Variants in UBE2D2 observed in about 807,000 individuals in gnomAD.
UBE2D2 encodes the protein ubiquitin-conjugating enzyme E2 D2.
In UBE2D2, 2 loss-of-function variants were observed where a neutral mutation model predicts 24.2. That is an observed-to-expected ratio of 0.08 (90% CI 0.03 to 0.26). The LOEUF (loss-of-function observed/expected upper bound fraction) is 0.26, where lower values mean the gene tolerates loss of function less well. Among genes scored for constraint, UBE2D2 ranks in the 10% least tolerant of loss-of-function variants. The pLI is 1.00. For missense variants in UBE2D2, 44 were observed against 177.6 expected (o/e 0.25, Z 4.28); for synonymous variants, 58 against 56.5 (o/e 1.03, Z -0.12).
chr5:139,580,090 G>A (rs927956203), intron 1 of UBE2D2, among the ~76,000 whole-genome samples: 1 of 151,708 alleles, frequency 6.6e-6, no homozygotes, highest in Non-Finnish European at 1.5e-5. Context: ...GCTCATGTCT[G>A]TAATCTTAGT....
At chr5:139,607,128 T>A (rs1754216973) in intron 2 of UBE2D2, among the ~76,000 whole-genome samples, 1 of 152,162 alleles carries the variant, frequency 6.6e-6, no homozygotes, top group Admixed American at 6.6e-5. Context: ...CTAAAAACAT[T>A]GTAATGTGAG....
chr5:139,578,037 T>C (rs1753516670), intron 1 of UBE2D2, among the ~76,000 whole-genome samples: 1 of 152,194 alleles, frequency 6.6e-6, no homozygotes, highest in Non-Finnish European at 1.5e-5. Flanking sequence ...GGGTGAAGTC[T>C]TTTGGCATAG....
intron 1 of UBE2D2, among the ~76,000 whole-genome samples, chr5:139,553,686 T>G (rs1752947241): frequency 6.6e-6 from 1 of 152,166 alleles, no homozygotes. Flanking sequence ...TGAAAATTCT[T>G]TACACCCTTT....
chr5:139,529,741 T>G (rs1022397252), intron 1 of UBE2D2, among the ~76,000 whole-genome samples: 3 of 152,184 alleles, frequency 2.0e-5, no homozygotes, highest in African/African-American at 7.2e-5. Context: ...CCAGAACCAG[T>G]ATTTCAGACC....
At chr5:139,574,735 C>CA (rs75539434) in intron 1 of UBE2D2, among the ~76,000 whole-genome samples, 3,422 of 70,520 alleles carry the variant, frequency 0.049, 46 homozygotes, top group African/African-American at 0.06. Flanking sequence ...GGTGGGGTGG[C>CA]AAAAAAAAAA....
At chr5:139,583,467 A>G (rs1209251228) in intron 1 of UBE2D2, among the ~76,000 whole-genome samples, 3 of 152,190 alleles carry the variant, frequency 2.0e-5, no homozygotes, top group Admixed American at 2.0e-4. Context: ...AATTTTGTCA[A>G]TTTAAAGAAG....
At chr5:139,594,424 T>A (rs79565545) in intron 1 of UBE2D2, among the ~76,000 whole-genome samples, 2 of 152,174 alleles carry the variant, frequency 1.3e-5, no homozygotes, top group South Asian at 2.1e-4. Flanking sequence ...CCTTAAAAAA[T>A]TTTGTTTTTT....
At chr5:139,532,155 A>G (rs558707444) in intron 1 of UBE2D2, among the ~76,000 whole-genome samples, 2 of 151,272 alleles carry the variant, frequency 1.3e-5, no homozygotes, top group South Asian at 4.2e-4. Context: ...GCAATATTAC[A>G]TCTAGGAATT....
chr5:139,573,937 C>T (rs1753407108), intron 1 of UBE2D2, among the ~76,000 whole-genome samples: 1 of 151,764 alleles, frequency 6.6e-6, no homozygotes, highest in Non-Finnish European at 1.5e-5. Flanking sequence ...CGCCACTGCG[C>T]TCCAGCCTGG....
intron 5 of UBE2D2, among the ~76,000 whole-genome samples, chr5:139,622,203 A>G (rs1252838841): frequency 2.0e-5 from 3 of 151,804 alleles, no homozygotes; most frequent in Non-Finnish European, 2.9e-5. Context: ...ATTTAACATT[A>G]ATTTTCTGCT....
intron 2 of UBE2D2, among the ~76,000 whole-genome samples, chr5:139,603,672 T>G (rs1190429632): frequency 6.9e-6 from 1 of 144,520 alleles, no homozygotes; most frequent in Non-Finnish European, 1.5e-5. Flanking sequence ...CTCACGTCTG[T>G]ACGCCTGTAA....
chr5:139,540,077 G>A (rs1219966534), intron 1 of UBE2D2, among the ~76,000 whole-genome samples: 1 of 151,406 alleles, frequency 6.6e-6, no homozygotes, highest in East Asian at 1.9e-4. Flanking sequence ...GCACCACTAC[G>A]CCTGGCTAAT....
chr5:139,589,896 T>G (rs1753808055), intron 1 of UBE2D2, among the ~76,000 whole-genome samples: 1 of 152,018 alleles, frequency 6.6e-6, no homozygotes. Context: ...ACCATTCTCC[T>G]GCCTCAGCCT....
At chr5:139,603,703 G>A (rs1336722490) in intron 2 of UBE2D2, among the ~76,000 whole-genome samples, 3 of 150,880 alleles carry the variant, frequency 2.0e-5, no homozygotes, top group Non-Finnish European at 4.4e-5. Context: ...TTGGGAGGCC[G>A]AGGCAGGTGG....
intron 2 of UBE2D2, among the ~76,000 whole-genome samples, chr5:139,613,133 C>T (rs909610072): frequency 6.6e-6 from 1 of 152,178 alleles, no homozygotes; most frequent in Admixed American, 6.6e-5. Context: ...TTACCTTTAA[C>T]CCCTAATCAA....
At chr5:139,610,666 A>G (rs1727330619) in intron 2 of UBE2D2, among the ~76,000 whole-genome samples, 1 of 151,778 alleles carries the variant, frequency 6.6e-6, no homozygotes, top group African/African-American at 2.4e-5. Flanking sequence ...TGAGCATAGG[A>G]GTTCGAGACC....
intron 5 of UBE2D2, among the ~76,000 whole-genome samples, chr5:139,617,070 C>T (rs1754435591): frequency 6.6e-6 from 1 of 151,902 alleles, no homozygotes; most frequent in African/African-American, 2.4e-5. Flanking sequence ...GTAGTCCCAA[C>T]TACTCAGGAG....
intron 1 of UBE2D2, among the ~76,000 whole-genome samples, chr5:139,529,522 A>T (rs1137711): frequency 6.6e-6 from 1 of 152,182 alleles, no homozygotes; most frequent in East Asian, 1.9e-4. Context: ...GAGCTACTTA[A>T]AAAGAAAATA....
chr5:139,528,315 C>T (rs1752562151), intron 1 of UBE2D2, among the ~76,000 whole-genome samples: 1 of 152,044 alleles, frequency 6.6e-6, no homozygotes, highest in South Asian at 2.1e-4. Flanking sequence ...CTATCCCTTT[C>T]ACCCTGGCAT....
Sources: allele counts gnomAD v4.1 joint callset (sites outside exome capture counted in the v4.1 genomes callset), GRCh38; gene constraint gnomAD v4.1.1; transcripts MANE v1.5; gene names NCBI Gene and HGNC (gene_info 2026-07-23, HGNC 2026-07-21).